The following NETO1 variants were observed in gnomAD, a reference collection of about 807,000 sequenced individuals.
NETO1 encodes the protein neuropilin and tolloid like 1.
A neutral mutation model predicts 61.3 loss-of-function variants in NETO1; 26 were observed. The ratio of observed to expected loss-of-function variants is 0.42; its 90% CI spans 0.31 to 0.59. The LOEUF (loss-of-function observed/expected upper bound fraction) is 0.59, where lower values mean the gene tolerates loss of function less well. Ranked by LOEUF, NETO1 falls within the 20% of genes least tolerant of loss-of-function variation. The pLI, the probability that NETO1 is intolerant of heterozygous loss-of-function variation, is 0.12. For missense variants in NETO1, 531 were observed against 662.8 expected, an observed-to-expected ratio of 0.80 and a Z score of 2.18; for synonymous variants, 225 against 225.8, an observed-to-expected ratio of 1.00 and a Z score of 0.03.
intron 8 of NETO1, among the ~76,000 whole-genome samples, chr18:72,753,679 G>C (rs1299607879): frequency 6.6e-6 from 1 of 152,182 alleles, no homozygotes; most frequent in African/African-American, 2.4e-5. Flanking sequence ...AAGGACAGTA[G>C]AGTGGCATCT....
intron 7 of NETO1, among the ~76,000 whole-genome samples, chr18:72,762,763 C>T (rs1251243760): frequency 1.3e-5 from 2 of 152,144 alleles, no homozygotes. Flanking sequence ...GCTTTTGACT[C>T]CCTCATGGGG....
rs1361817498 is a variant in NETO1 at position 72,746,232 on chromosome 18, G to T, written c.*1947C>A. 6.6e-6 allele frequency among the ~76,000 whole-genome samples: 1 copy of T among 151,990 alleles called. No individual in the cohort carries two copies. The highest frequency in any genetic ancestry group is 2.4e-5 in the African/African-American group (1 of 41,396). ...TTTGAGATTATCATTCAAAGGGAAA[G>T]GAGTCCTCTGAAGATTTCTAAATGG... On this transcript the variant is annotated 3_prime_UTR_variant, in exon 11 of 11. Coordinates refer to ENST00000327305, the MANE Select transcript of NETO1 (RefSeq NM_138966.5).
chr18:72,749,913 G>A, intron 9 of NETO1, 149 bp downstream of exon 9: 4 of 637,280 alleles, frequency 6.3e-6, no homozygotes, highest in South Asian at 2.4e-5. Flanking sequence ...CAGTGAAAAG[G>A]AAAAAGAAGA....
rs761051706 is a variant in NETO1, at chr18:72,750,635, G to C, written c.983-15C>G. ...TTTCCTCTTCTCTATAGGTTGGAGA[G>C]AGTGAAAACAACAAACGGACAAAAG... On this transcript the variant is annotated splice_polypyrimidine_tract_variant and intron_variant, in intron 8 of 10. Coordinates refer to ENST00000327305, the MANE Select transcript of NETO1 (RefSeq NM_138966.5). The C allele has an allele frequency of 4.5e-6, 7 of 1,565,008 alleles. No individual in the cohort carries two copies. Among genetic ancestry groups the C allele is most frequent in the South Asian group, 2.3e-5 (2 of 87,622 alleles).
intron 3 of NETO1, among the ~76,000 whole-genome samples, chr18:72,860,973 G>T (rs1180987956): frequency 6.6e-6 from 1 of 152,158 alleles, no homozygotes; most frequent in Non-Finnish European, 1.5e-5. Context: ...ATTTCGGATT[G>T]TAGGTTAATT....
At chr18:72,754,688 AGAAGT>A (rs142534390) in intron 8 of NETO1, among the ~76,000 whole-genome samples, 40 of 152,306 alleles carry the variant, frequency 2.6e-4, no homozygotes, top group African/African-American at 9.1e-4. Context: ...AAAATTTTAC[AGAAGT>A]GAAGAGAGAA....
chr18:72,765,418 T>TTA (rs1244635971), intron 7 of NETO1, among the ~76,000 whole-genome samples: 26 of 151,310 alleles, frequency 1.7e-4, no homozygotes, highest in African/African-American at 5.6e-4. Context: ...ACAATAAAAA[T>TTA]TCTTTTTTTT....
At chr18:72,832,174 C>T (rs967792267) in intron 4 of NETO1, among the ~76,000 whole-genome samples, 1 of 151,972 alleles carries the variant, frequency 6.6e-6, no homozygotes, top group African/African-American at 2.4e-5. Context: ...GCTAATTCTC[C>T]AATTTCCTAA....
Position 72,787,161 on chromosome 18 carries a change from T to C in NETO1, c.640-3255A>G, listed in dbSNP as rs9958704. Among the ~76,000 whole-genome samples, 963 of 150,392 alleles carry C rather than the reference T, an allele frequency of 6.4e-3. 11 individuals carry two copies. The highest frequency in any genetic ancestry group is 0.022 in the African/African-American group (902 of 41,068). On this transcript the variant is annotated intron_variant, in intron 6 of 10. Transcript: ENST00000327305. ...CTAAAATCTAGGTATTATACAAACA[T>C]GTTAAGTGGAACAAAAATTCAAATA...
chr18:72,770,833 G>A (rs1349612079), intron 7 of NETO1, among the ~76,000 whole-genome samples: 1 of 152,120 alleles, frequency 6.6e-6, no homozygotes, highest in East Asian at 1.9e-4. Flanking sequence ...AAACTAAACA[G>A]TGTTGTGAAA....
chr18:72,776,981 C>G (rs560059606), intron 7 of NETO1, among the ~76,000 whole-genome samples: 1 of 152,180 alleles, frequency 6.6e-6, no homozygotes, highest in Admixed American at 6.5e-5. Flanking sequence ...ATCGTTCTTA[C>G]GCTGTAAATC....
chr18:72,855,114 A>C (rs2145612937), intron 4 of NETO1, among the ~76,000 whole-genome samples: 1 of 152,328 alleles, frequency 6.6e-6, no homozygotes, highest in East Asian at 1.9e-4. Flanking sequence ...TTGAGTTATC[A>C]AATATTCCAT....
intron 4 of NETO1, among the ~76,000 whole-genome samples, chr18:72,813,674 TAGAC>T (rs1384491034): frequency 3.3e-5 from 5 of 151,890 alleles, no homozygotes; most frequent in African/African-American, 1.2e-4. Context: ...AAAAACTCAA[TAGAC>T]AGATTTAATA....
chr18:72,809,540 A>C (rs1253406334), intron 4 of NETO1, among the ~76,000 whole-genome samples: 1 of 152,228 alleles, frequency 6.6e-6, no homozygotes, highest in Non-Finnish European at 1.5e-5. Flanking sequence ...TAAAGTATAA[A>C]ATGTTATGTA....
At chr18:72,778,963 T>C (rs2071647967) in intron 7 of NETO1, among the ~76,000 whole-genome samples, 1 of 152,178 alleles carries the variant, frequency 6.6e-6, no homozygotes, top group African/African-American at 2.4e-5. Context: ...TACCATAGAC[T>C]AGATGGCTTG....
chr18:72,816,693 C>T (rs2073042996), intron 4 of NETO1, among the ~76,000 whole-genome samples: 2 of 152,190 alleles, frequency 1.3e-5, no homozygotes, highest in Admixed American at 6.5e-5. Context: ...CGTGGGTCCC[C>T]ACCCCACTGT....
chr18:72,867,191 C>G (rs973316228), intron 1 of NETO1, 73 bp downstream of exon 1: 1 of 1,203,928 alleles, frequency 8.3e-7, no homozygotes, highest in Non-Finnish European at 1.1e-6. Context: ...GCTTTTCCTG[C>G]GCGTTCGGCC....
chr18:72,858,992 A>G lies in NETO1; in HGVS notation c.303T>C (p.Ile101=), dbSNP rs1383592644. The part of the protein sequence containing the change: ...EPSWECKFDH[I]EVRDGPFGFS... ...AGCCAAAAGGTCCATCTCGAACTTC[A>G]ATATGATCAAATTTGCACTCCCAAG... The change falls in exon 4 of 11, where the codon ATT becomes ATC. Residue 101 remains isoleucine, a synonymous_variant. Coordinates refer to ENST00000327305, the MANE Select transcript of NETO1 (RefSeq NM_138966.5). 2.5e-6 allele frequency: 4 copies of G among 1,613,882 alleles called. No homozygotes were observed. The East Asian group carries it at 8.9e-5, about 36-fold the overall frequency.
At chr18:72,778,589 C>T (rs957719369) in intron 7 of NETO1, among the ~76,000 whole-genome samples, 1 of 152,162 alleles carries the variant, frequency 6.6e-6, no homozygotes, top group Admixed American at 6.5e-5. Context: ...CTGCCATATT[C>T]TTTGCCAATT....
Sources: allele counts gnomAD v4.1 joint callset (sites outside exome capture counted in the v4.1 genomes callset), GRCh38; gene constraint gnomAD v4.1.1; transcripts MANE v1.5; gene names NCBI Gene and HGNC (gene_info 2026-07-23, HGNC 2026-07-21).